NRG3: variants seen among roughly 807,000 people sequenced by gnomAD.
NRG3 encodes the protein pro-neuregulin-3, membrane-bound isoform.
A neutral mutation model predicts 66.9 loss-of-function variants in NRG3; 31 were observed. That is an observed-to-expected ratio of 0.46 (90% confidence interval 0.35 to 0.63). The LOEUF (loss-of-function observed/expected upper bound fraction) is 0.63. NRG3 is among the 20% of genes least tolerant of loss of function. The probability of loss-of-function intolerance (pLI) is 0.00; values close to 1 mark genes in which losing one functional copy is unlikely to be tolerated. For missense variants in NRG3, 910 were observed against 878.9 expected (o/e 1.04, Z -0.45); for synonymous variants, 393 against 359.4 (o/e 1.09, Z -1.06).
rs557197351 is a variant in NRG3, at chr10:82,762,002, C to T, written c.1027+23352C>T. Among the ~76,000 whole-genome samples the T allele has an allele frequency of 2.1e-3, 255 of 122,104 alleles. 1 individual carries two copies. The highest frequency in any genetic ancestry group is 3.4e-3 in the Non-Finnish European group (199 of 57,774). The allele number at this position is 122,104 out of a possible 152,430, so 80.1% of individuals were successfully genotyped here. A position where few individuals can be genotyped will look rare whatever the true frequency, so the allele number is the denominator to read the frequency against. On this transcript the variant is annotated intron_variant, in intron 3 of 8. Transcript: ENST00000372141. Reference sequence around the variant, plus strand: ...CTTTCTTTCTTCTTTCTTTTCCTTTCTCTCTTTCTTTCTTTCTTTTCTTTC... The same window carrying T: ...CTTTCTTTCTTCTTTCTTTTCCTTTTTCTCTTTCTTTCTTTCTTTTCTTTC...
At chr10:82,025,835 T>A (rs1324527137) in intron 1 of NRG3, among the ~76,000 whole-genome samples, 2 of 152,110 alleles carry the variant, frequency 1.3e-5, no homozygotes, top group East Asian at 3.9e-4. Flanking sequence ...TTTGGATAGT[T>A]TTTTGTTTTG....
intron 1 of NRG3, among the ~76,000 whole-genome samples, chr10:81,971,806 A>G (rs1268311459): frequency 1.3e-5 from 2 of 152,216 alleles, no homozygotes; most frequent in African/African-American, 4.8e-5. Context: ...AAAGTACTGG[A>G]GAGAAGAGAT....
chr10:82,436,676 G>GT (rs1189361535), intron 2 of NRG3, among the ~76,000 whole-genome samples: 1 of 152,120 alleles, frequency 6.6e-6, no homozygotes, highest in African/African-American at 2.4e-5. Flanking sequence ...GCTGGTACCA[G>GT]TTTTTCCTTT....
At chr10:82,255,281 G>T (rs1405951202) in intron 1 of NRG3, among the ~76,000 whole-genome samples, 1 of 152,092 alleles carries the variant, frequency 6.6e-6, no homozygotes, top group Non-Finnish European at 1.5e-5. Flanking sequence ...AGCAAAATCT[G>T]AGAAATTGAC....
At chr10:82,656,738 TGGA>T (rs2051892193) in intron 2 of NRG3, among the ~76,000 whole-genome samples, 1 of 152,180 alleles carries the variant, frequency 6.6e-6, no homozygotes, top group East Asian at 1.9e-4. Flanking sequence ...TCAGCAGTCA[TGGA>T]GGAGAAGGCG....
intron 3 of NRG3, among the ~76,000 whole-genome samples, chr10:82,814,438 A>G (rs977793525): frequency 1.3e-5 from 2 of 152,166 alleles, no homozygotes; most frequent in Admixed American, 6.5e-5. Flanking sequence ...ACATTCTAAA[A>G]CCCAGAGGCC....
chr10:82,098,465 C>A (rs2066515042), intron 1 of NRG3, among the ~76,000 whole-genome samples: 1 of 152,100 alleles, frequency 6.6e-6, no homozygotes, highest in South Asian at 2.1e-4. Flanking sequence ...CCTTGAGCCC[C>A]CTTGGGGTGG....
intron 1 of NRG3, among the ~76,000 whole-genome samples, chr10:82,234,865 C>T (rs1024857630): frequency 6.6e-6 from 1 of 152,216 alleles, no homozygotes; most frequent in Non-Finnish European, 1.5e-5. Flanking sequence ...TGCTATGCAG[C>T]GGGTCTCCAC....
rs536630269 is a variant in NRG3, at chr10:82,097,032, G to A, written c.823+220869G>A. On this transcript the variant is annotated intron_variant, in intron 1 of 8. Coordinates refer to ENST00000372141, the MANE Select transcript of NRG3 (RefSeq NM_001010848.4). ...AAATGCATAGAGTAACTACCACCAC[G>A]ATTAGATACAGAACAATTTCCTTAT... Among the ~76,000 whole-genome samples, 8 of 152,126 alleles carry A rather than the reference G, an allele frequency of 5.3e-5. No homozygotes were observed. The East Asian group carries it at 1.5e-3, about 29-fold the overall frequency.
chr10:82,137,198 A>G (rs956543993), intron 1 of NRG3, among the ~76,000 whole-genome samples: 8 of 152,192 alleles, frequency 5.3e-5, no homozygotes, highest in East Asian at 1.9e-4. Flanking sequence ...GTTACACATC[A>G]GTAAGTAAGA....
intron 1 of NRG3, chr10:81,878,211 A>G (rs951173971): frequency 9.8e-6 from 8 of 813,518 alleles, no homozygotes; most frequent in Non-Finnish European, 1.5e-5. Flanking sequence ...AAGAGGGGAA[A>G]AATCTGTAAA....
intron 2 of NRG3, among the ~76,000 whole-genome samples, chr10:82,517,102 C>T (rs552512712): frequency 8.6e-5 from 13 of 151,604 alleles, no homozygotes; most frequent in Non-Finnish European, 1.6e-4. Flanking sequence ...GTTTTCATCC[C>T]AGGTTCACCA....
At chr10:82,617,479 G>T (rs2048746724) in intron 2 of NRG3, among the ~76,000 whole-genome samples, 1 of 152,146 alleles carries the variant, frequency 6.6e-6, no homozygotes, top group African/African-American at 2.4e-5. Flanking sequence ...GGAAGGGGAA[G>T]GCCAAGGACT....
intron 1 of NRG3, among the ~76,000 whole-genome samples, chr10:81,920,556 C>T (rs536533643): frequency 6.6e-6 from 1 of 152,222 alleles, no homozygotes; most frequent in South Asian, 2.1e-4. Flanking sequence ...AGCTTTTCTT[C>T]CCAAATAGCA....
At chr10:82,160,869 A>G (rs2071537889) in intron 1 of NRG3, among the ~76,000 whole-genome samples, 1 of 152,072 alleles carries the variant, frequency 6.6e-6, no homozygotes, top group African/African-American at 2.4e-5. Flanking sequence ...CAATGAGAAA[A>G]TGAAGCTCAC....
At chr10:82,898,197 G>T (rs1402896621) in intron 4 of NRG3, among the ~76,000 whole-genome samples, 1 of 152,164 alleles carries the variant, frequency 6.6e-6, no homozygotes, top group Non-Finnish European at 1.5e-5. Context: ...CCACACTGGG[G>T]CTGAGCCCTG....
At chr10:82,187,431 A>T (rs143934027) in intron 1 of NRG3, among the ~76,000 whole-genome samples, 1 of 152,314 alleles carries the variant, frequency 6.6e-6, no homozygotes, top group East Asian at 1.9e-4. Context: ...GAAGAAACAC[A>T]TGCAAAGATA....
chr10:82,419,018 TG>T (rs1377190071), intron 2 of NRG3, among the ~76,000 whole-genome samples: 1 of 152,148 alleles, frequency 6.6e-6, no homozygotes, highest in Admixed American at 6.5e-5. Flanking sequence ...AAATTGTAAC[TG>T]GGATGGATAT....
At chr10:82,152,852 T>C (rs763688904) in intron 1 of NRG3, among the ~76,000 whole-genome samples, 1 of 150,124 alleles carries the variant, frequency 6.7e-6, no homozygotes, top group Non-Finnish European at 1.5e-5. Context: ...CTTTCTTTCT[T>C]TCTTTTCTTT....
Sources: gnomAD v4.1 joint callset for allele counts (sites outside exome capture counted in the v4.1 genomes callset) on GRCh38, gnomAD v4.1.1 for gene constraint, MANE v1.5 for transcripts, NCBI Gene and HGNC (gene_info 2026-07-23, HGNC 2026-07-21) for gene names.